The following TRAF7 variants were observed in gnomAD, a reference collection of about 807,000 sequenced individuals.
TRAF7 encodes TNF receptor associated factor 7.
In TRAF7, 45 loss-of-function variants were observed where a neutral mutation model predicts 89.3. That is an observed-to-expected ratio of 0.50 (90% CI 0.40 to 0.65). The LOEUF is 0.65. Ranked by LOEUF, TRAF7 falls within the 30% of genes least tolerant of loss-of-function variation. The probability of loss-of-function intolerance (pLI) is 0.00; values close to 1 mark genes in which losing one functional copy is unlikely to be tolerated. For missense variants in TRAF7, 677 were observed against 918.1 expected, an observed-to-expected ratio of 0.74 and a Z score of 3.39; for synonymous variants, 406 against 369.2, an observed-to-expected ratio of 1.10 and a Z score of -1.14.
chr16:2,175,792 A>G (rs760172565), intron 17 of TRAF7, 42 bp from the exon 18 acceptor site: 1 of 1,607,842 alleles, frequency 6.2e-7, no homozygotes. Context: ...CCTGGGGGTG[A>G]AGCACCTGGC....
intron 1 of TRAF7, among the ~76,000 whole-genome samples, chr16:2,157,247 G>C (rs535948487): frequency 6.6e-6 from 1 of 152,222 alleles, no homozygotes; most frequent in Non-Finnish European, 1.5e-5. Context: ...GGCATTCATA[G>C]TTCTCTGTGG....
Position 2,170,617 on chromosome 16 carries a change from C to G in TRAF7, c.235C>G (p.Pro79Ala). The change falls in exon 5 of 21, where the codon CCC (proline) becomes GCC (alanine). Residue 79 changes from proline to alanine, a missense_variant. Pro to Ala is a conservative substitution (Grantham distance 27, BLOSUM62 -1). This residue lies in a region of TRAF7 where 240 missense variants were observed against 191.9 expected (regional missense o/e 1.25). Transcript: ENST00000326181. ...SPRDEEDSMP[P>A]ISTPRRSDSA... ...AGGCGCCTCTCCCTCCACACAGCCCCCCATCAGCACTCCCCGCCGCTCCGA... is the reference window on the plus strand; with the variant it reads ...AGGCGCCTCTCCCTCCACACAGCCCGCCATCAGCACTCCCCGCCGCTCCGA... 6.2e-7 allele frequency: 1 copy of G among 1,608,948 alleles called. No homozygotes were observed. Among genetic ancestry groups the G allele is most frequent in the Admixed American group, 1.7e-5 (1 of 59,948 alleles).
Position 2,172,526 on chromosome 16 carries a change from C to A in TRAF7, c.721C>A (p.Pro241Thr). Residue 241 changes from proline (P) to threonine (T), a missense_variant, in exon 9 of 21, where the codon CCG (proline) becomes ACG (threonine). Transcript: ENST00000326181. ...GTGTCCCAACAACCCCAGCTGCCCC[C>A]CGCTGCTCAGGATGAACCTGGAGGC... is the stretch of plus-strand genomic sequence containing the variant. ...VRCPNNPSCP[P>T]LLRMNLEAHL... The A allele has an allele frequency of 6.3e-7, 1 of 1,593,522 alleles. No individual in the cohort carries two copies. Among genetic ancestry groups the A allele is most frequent in the East Asian group, 2.3e-5 (1 of 44,084 alleles).
rs1375498803 is a variant in TRAF7 at position 2,161,392 on chromosome 16, C to G, written c.-38-2491C>G. Reference sequence around the variant, plus strand: ...TTTGCACATTGCCCTGCGTGCCTTTCTGTTCACCTCACTTCAGAGTGAGGG... The same window carrying G: ...TTTGCACATTGCCCTGCGTGCCTTTGTGTTCACCTCACTTCAGAGTGAGGG... On this transcript the variant is annotated intron_variant, in intron 1 of 20. Transcript: ENST00000326181. This position sits in a 1 kb window ranked among gnomAD's most constrained non-coding sequence, Gnocchi z 5.2. Among the ~76,000 whole-genome samples, 5 of 152,202 alleles carry G rather than the reference C, an allele frequency of 3.3e-5. No individual in the cohort carries two copies. In the South Asian group the frequency reaches 1.0e-3, roughly 32 times the overall value.
rs1435493555 is a variant in TRAF7 at position 2,170,667 on chromosome 16, G to A, written c.285G>A (p.Leu95=). Residue 95 remains leucine, a synonymous_variant, in exon 5 of 21, where the codon CTG becomes CTA. Coordinates refer to ENST00000326181, the MANE Select transcript of TRAF7 (RefSeq NM_032271.3). ...ACTCCGCCATCTCTGTCCGCTCCCTGCACTCAGAGTCCAGCATGTCTCTGC... is the reference window on the plus strand; with the variant it reads ...ACTCCGCCATCTCTGTCCGCTCCCTACACTCAGAGTCCAGCATGTCTCTGC... ...RSDSAISVRS[L]HSESSMSLRS... 2 of 1,609,886 alleles carry A rather than the reference G, an allele frequency of 1.2e-6. No individual in the cohort carries two copies. Among genetic ancestry groups the A allele is most frequent in the Non-Finnish European group, 1.7e-6 (2 of 1,178,588 alleles).
chr16:2,170,582 GC>G (rs769664449), intron 4 of TRAF7, 31 bp from the exon 5 acceptor site: 7 of 1,564,284 alleles, frequency 4.5e-6, no homozygotes, highest in Admixed American at 3.4e-5. Context: ...CCCGTGCGGA[GC>G]CCCCCGACAG....
rs1465634515 is a variant in TRAF7 at position 2,161,997 on chromosome 16, G to A, written c.-38-1886G>A. 6.6e-6 allele frequency among the ~76,000 whole-genome samples: 1 copy of A among 152,196 alleles called. No individual in the cohort carries two copies. The highest frequency in any genetic ancestry group is 1.5e-5 in the Non-Finnish European group (1 of 68,028). ...GAGAAGTCCCCCGAGAGCCTAGTCT[G>A]GGTCACACAGGGCCAAGCCCCTCGA... On this transcript the variant is annotated intron_variant, in intron 1 of 20. Coordinates refer to ENST00000326181, the MANE Select transcript of TRAF7 (RefSeq NM_032271.3). The surrounding 1 kb of genome is among the most constrained non-coding windows in gnomAD (Gnocchi z 5.2).
chr16:2,160,559 G>C (rs1467279614), intron 1 of TRAF7, among the ~76,000 whole-genome samples: 1 of 132,422 alleles, frequency 7.6e-6, no homozygotes, highest in Non-Finnish European at 1.6e-5. Context: ...ATGGGCGGGC[G>C]GTGTGGGTGG....
chr16:2,170,550 C>T, intron 4 of TRAF7, 64 bp from the exon 5 acceptor site: 1 of 1,309,758 alleles, frequency 7.6e-7, no homozygotes. Context: ...GGGCTGGGTC[C>T]TGTCCTCCCC....
At position 2,171,514 on chromosome 16, in the gene TRAF7, T is replaced by G. The variant is rs2093110551; in HGVS notation, c.442-58T>G. 9 of 1,611,022 alleles carry G rather than the reference T, an allele frequency of 5.6e-6. No homozygotes were observed. The South Asian group carries it at 6.6e-5, about 12-fold the overall frequency. ...GCGAGGCCTGTGGCTGCCATGGCCA[T>G]GGACTAGGGAAAAAGAGGACCCTGC... On this transcript the variant is annotated intron_variant, in intron 6 of 20. Coordinates refer to ENST00000326181, the MANE Select transcript of TRAF7 (RefSeq NM_032271.3).
In TRAF7 at chr16:2,161,496, C is replaced by G. The variant is rs2093058330; in HGVS notation, c.-38-2387C>G. Reference sequence around the variant, plus strand: ...CCGACCCATCCCAGGGGAGTGCCTGCTGGGGTCCTGGCCACCTGGGCCCCC... The same window carrying G: ...CCGACCCATCCCAGGGGAGTGCCTGGTGGGGTCCTGGCCACCTGGGCCCCC... On this transcript the variant is annotated intron_variant, in intron 1 of 20. Coordinates refer to ENST00000326181, the MANE Select transcript of TRAF7 (RefSeq NM_032271.3). This position sits in a 1 kb window ranked among gnomAD's most constrained non-coding sequence, Gnocchi z 5.2. Among the ~76,000 whole-genome samples, 1 of 152,174 alleles carries G rather than the reference C, an allele frequency of 6.6e-6. No homozygotes were observed. Among genetic ancestry groups the G allele is most frequent in the African/African-American group, 2.4e-5 (1 of 41,422 alleles).
intron 20 of TRAF7, 40 bp from the exon 21 acceptor site, chr16:2,176,520 G>A (rs375145934): frequency 1.3e-5 from 21 of 1,612,910 alleles, no homozygotes; most frequent in African/African-American, 8.0e-5. Flanking sequence ...CAGGGCAGCC[G>A]GCCGCAGGAC....
At chr16:2,164,139 G>GTGTGTGTGT (rs1555465685) in intron 2 of TRAF7, 138 bp downstream of exon 2, 62 of 544,396 alleles carry the variant, frequency 1.1e-4, no homozygotes, top group African/African-American at 2.6e-4. Context: ...GGGGGGGTGT[G>GTGTGTGTGT]GTGTGTGTGT....
intron 2 of TRAF7, among the ~76,000 whole-genome samples, chr16:2,165,255 G>A (rs2093079715): frequency 1.4e-5 from 2 of 142,020 alleles, no homozygotes; most frequent in African/African-American, 5.5e-5. Flanking sequence ...GGCGCGGCCT[G>A]GTCGCATGGT....
In TRAF7 at chr16:2,168,165, C is replaced by T. The variant is rs754504425; in HGVS notation, c.228C>T (p.Ser76=). The T allele has an allele frequency of 3.1e-6, 5 of 1,608,912 alleles. 1 individual carries two copies. In the South Asian group the frequency reaches 5.5e-5, roughly 18 times the overall value. The part of the protein sequence containing the change: ...LAYSPRDEED[S]MPPISTPRRS... ...ACTCCCCGCGGGACGAGGAGGACAGCATGGTAGGTCCCTACCCCCAGGAGC... is the reference window on the plus strand; with the variant it reads ...ACTCCCCGCGGGACGAGGAGGACAGTATGGTAGGTCCCTACCCCCAGGAGC... The change falls in exon 4 of 21, where the codon AGC becomes AGT. Residue 76 remains serine (S), a synonymous_variant. Coordinates refer to ENST00000326181, the MANE Select transcript of TRAF7 (RefSeq NM_032271.3). The surrounding 1 kb of genome is among the most constrained non-coding windows in gnomAD (Gnocchi z 4.1).
intron 1 of TRAF7, among the ~76,000 whole-genome samples, chr16:2,157,438 G>C (rs2093039756): frequency 1.3e-5 from 2 of 151,984 alleles, no homozygotes; most frequent in Admixed American, 6.5e-5. Flanking sequence ...GAATGGAAAA[G>C]TTCAGGGTCT....
intron 18 of TRAF7, 31 bp downstream of exon 18, chr16:2,175,984 G>A (rs1178369355): frequency 6.2e-7 from 1 of 1,612,468 alleles, no homozygotes; most frequent in Non-Finnish European, 8.5e-7. Context: ...TGCAAGGCCA[G>A]ACTGTGGCCC....
chr16:2,169,795 G>GC (rs1417533434), intron 4 of TRAF7, among the ~76,000 whole-genome samples: 1 of 152,196 alleles, frequency 6.6e-6, no homozygotes, highest in African/African-American at 2.4e-5. Flanking sequence ...GGCACACAAT[G>GC]CCCCCCGCCG....
At position 2,163,184 on chromosome 16, in the gene TRAF7, C is replaced by G. The variant is rs1008973953; in HGVS notation, c.-38-699C>G. ...TTCTGGGGAGGGTGATTCCCGCATG[C>G]CTTCTCCCTGCCCCCCCACCCACCA... On this transcript the variant is annotated intron_variant, in intron 1 of 20. Transcript: ENST00000326181. The surrounding 1 kb of genome is among the most constrained non-coding windows in gnomAD (Gnocchi z 4.3). 6.6e-6 allele frequency among the ~76,000 whole-genome samples: 1 copy of G among 152,094 alleles called. No homozygotes were observed. Among genetic ancestry groups the G allele is most frequent in the Non-Finnish European group, 1.5e-5 (1 of 67,996 alleles).
Sources: gnomAD v4.1 joint callset for allele counts (sites outside exome capture counted in the v4.1 genomes callset) on GRCh38, gnomAD v4.1.1 for gene constraint, gnomAD v4.1.1 regional missense constraint, Gnocchi (gnomAD v3.1) non-coding constraint, MANE v1.5 for transcripts, NCBI Gene and HGNC (gene_info 2026-07-23, HGNC 2026-07-21) for gene names.